DPP8: variants seen among roughly 807,000 people sequenced by gnomAD.
The protein encoded by DPP8 is DPP VIII.
DPP8 carries 31 observed loss-of-function variants against 107.5 expected under a neutral mutation model. The observed-to-expected ratio is 0.29, with a 90% confidence interval of 0.22 to 0.39. The LOEUF (loss-of-function observed/expected upper bound fraction) is 0.39, where lower values mean the gene tolerates loss of function less well. Ranked by LOEUF, DPP8 falls within the 10% of genes least tolerant of loss-of-function variation. The pLI, the probability that DPP8 is intolerant of heterozygous loss-of-function variation, is 1.00. For missense variants in DPP8, 842 were observed against 1,076.1 expected, an observed-to-expected ratio of 0.78 and a Z score of 3.04; for synonymous variants, 381 against 356.6, an observed-to-expected ratio of 1.07 and a Z score of -0.77.
chr15:65,512,884 C>A (rs1172263613), intron 1 of DPP8: 4 of 280,776 alleles, frequency 1.4e-5, no homozygotes, highest in African/African-American at 6.6e-5. Flanking sequence ...AGGAAACAGG[C>A]CATTTGCCAG....
At chr15:65,512,189 G>A (rs2141118149) in intron 2 of DPP8, 106 bp downstream of exon 2, 3 of 1,151,196 alleles carry the variant, frequency 2.6e-6, no homozygotes, top group Non-Finnish European at 3.8e-6. Context: ...GAAACCAAAA[G>A]TCACTGATTA....
At chr15:65,480,165 T>TC in intron 10 of DPP8, 57 bp downstream of exon 10, 1 of 1,500,032 alleles carries the variant, frequency 6.7e-7, no homozygotes, top group Non-Finnish European at 9.1e-7. Context: ...CTATATAACT[T>TC]CATTTGCTTT....
intron 7 of DPP8, among the ~76,000 whole-genome samples, chr15:65,486,781 T>A (rs1015267651): frequency 1.3e-5 from 2 of 152,122 alleles, no homozygotes; most frequent in African/African-American, 4.8e-5. Context: ...AGCTAAGCTA[T>A]GAGGACACAA....
chr15:65,472,080 A>T (rs576867065), intron 12 of DPP8, among the ~76,000 whole-genome samples: 27 of 151,670 alleles, frequency 1.8e-4, no homozygotes, highest in Admixed American at 4.6e-4. Flanking sequence ...CAAAAACGCA[A>T]TTTTTTTTTC....
intron 16 of DPP8, chr15:65,455,754 C>T: frequency 3.1e-6 from 4 of 1,282,302 alleles, no homozygotes; most frequent in Non-Finnish European, 4.1e-6. Flanking sequence ...AACTGCCTTA[C>T]TGTGCAAAAG....
chr15:65,499,105 G>GTGTGTGTGTGTGTGTATA (rs1555468189), intron 4 of DPP8, among the ~76,000 whole-genome samples: 135 of 138,814 alleles, frequency 9.7e-4, no homozygotes, highest in African/African-American at 3.4e-3. Context: ...GTGTGTGTGT[G>GTGTGTGTGTGTGTGTATA]TATATATAAA....
chr15:65,499,950 T>G (rs2069029044), intron 4 of DPP8, among the ~76,000 whole-genome samples: 1 of 152,004 alleles, frequency 6.6e-6, no homozygotes, highest in African/African-American at 2.4e-5. Flanking sequence ...TAGGCTGGAC[T>G]GCAGTGGCAC....
At chr15:65,469,129 C>T (rs1595917913) in intron 12 of DPP8, among the ~76,000 whole-genome samples, 1 of 152,052 alleles carries the variant, frequency 6.6e-6, no homozygotes, top group Non-Finnish European at 1.5e-5. Flanking sequence ...GCATGTACCA[C>T]CACGCCTGGC....
intron 15 of DPP8, among the ~76,000 whole-genome samples, chr15:65,458,285 T>C (rs1198157973): frequency 6.6e-6 from 1 of 152,082 alleles, no homozygotes; most frequent in Non-Finnish European, 1.5e-5. Context: ...TTTTGAAATG[T>C]AGTCTTGCTC....
At chr15:65,454,818 C>T (rs2140365842) in intron 16 of DPP8, among the ~76,000 whole-genome samples, 1 of 151,932 alleles carries the variant, frequency 6.6e-6, no homozygotes, top group African/African-American at 2.4e-5. Context: ...AGCCACCACA[C>T]CCGGCCCCGT....
chr15:65,466,835 A>G (rs1184106353), intron 13 of DPP8, 22 bp from the exon 14 acceptor site: 8 of 1,603,256 alleles, frequency 5.0e-6, no homozygotes, highest in African/African-American at 1.3e-5. Flanking sequence ...AGAAACAATT[A>G]TATTTTTCGT....
intron 3 of DPP8, among the ~76,000 whole-genome samples, chr15:65,505,947 C>G (rs1351184402): frequency 4.8e-5 from 2 of 41,756 alleles, no homozygotes; most frequent in Admixed American, 7.8e-4. Context: ...AAGACTGTGT[C>G]TCAAAAAAAA....
intron 15 of DPP8, among the ~76,000 whole-genome samples, chr15:65,460,871 A>G (rs1387660854): frequency 6.6e-6 from 1 of 152,166 alleles, no homozygotes; most frequent in Non-Finnish European, 1.5e-5. Context: ...CTCATATAGT[A>G]ATTCTATGTT....
At chr15:65,447,769 A>G (rs2063578681) in intron 19 of DPP8, among the ~76,000 whole-genome samples, 1 of 152,224 alleles carries the variant, frequency 6.6e-6, no homozygotes, top group Non-Finnish European at 1.5e-5. Flanking sequence ...TTCAAGGACA[A>G]CACTGACAGT....
intron 8 of DPP8, among the ~76,000 whole-genome samples, chr15:65,483,922 CATGG>C (rs1417517813): frequency 1.3e-5 from 2 of 152,132 alleles, no homozygotes; most frequent in Admixed American, 1.3e-4. Flanking sequence ...CATGGTACAA[CATGG>C]ATGGACCTTG....
intron 14 of DPP8, among the ~76,000 whole-genome samples, chr15:65,465,305 G>A (rs1227728232): frequency 6.8e-6 from 1 of 147,598 alleles, no homozygotes; most frequent in African/African-American, 2.5e-5. Context: ...GTAGCTGGGA[G>A]TACAGGTGCC....
intron 5 of DPP8, among the ~76,000 whole-genome samples, chr15:65,492,072 T>C (rs946015002): frequency 2.1e-4 from 30 of 144,422 alleles, no homozygotes; most frequent in African/African-American, 7.5e-4. Context: ...CCAGGCGCAG[T>C]GGCTCACGCC....
chr15:65,448,532 C>T (rs562905610), intron 19 of DPP8, among the ~76,000 whole-genome samples: 2 of 150,964 alleles, frequency 1.3e-5, no homozygotes, highest in African/African-American at 4.9e-5. Flanking sequence ...ATTAGCCAGG[C>T]GTGGTGGCGG....
At position 65,444,705 on chromosome 15, in the gene DPP8, T is replaced by G. The variant is rs2063427293; in HGVS notation, c.*2179A>C. 1 of 152,206 alleles carries G rather than the reference T, an allele frequency of 6.6e-6. No individual in the cohort carries two copies. Among genetic ancestry groups the G allele is most frequent in the Non-Finnish European group, 1.5e-5 (1 of 68,038 alleles). 9.4% of individuals were successfully genotyped at this position (152,206 alleles called of 1,614,324 possible). On this transcript the variant is annotated 3_prime_UTR_variant, in exon 20 of 20. Coordinates refer to ENST00000300141, the MANE Select transcript of DPP8 (RefSeq NM_130434.5). The stretch of plus-strand genomic sequence containing the variant: ...GCAACATGCAAAAGGAAAACACCTG[T>G]GAACTCCAGAGTACATGAAGTTTTC...
Sources: gnomAD v4.1 joint callset for allele counts (sites outside exome capture counted in the v4.1 genomes callset) on GRCh38, gnomAD v4.1.1 for gene constraint, MANE v1.5 for transcripts, NCBI Gene and HGNC (gene_info 2026-07-23, HGNC 2026-07-21) for gene names.